Variants in SMKR1 observed in about 807,000 individuals in gnomAD.
SMKR1 encodes small lysine rich protein 1.
In SMKR1, 4 loss-of-function variants were observed where a neutral mutation model predicts 4.0. That is an observed-to-expected ratio of 1.00 (90% confidence interval 0.49 to 2.30). The LOEUF (loss-of-function observed/expected upper bound fraction) is 2.30. Ranked by LOEUF, SMKR1 falls within the 30% of genes most tolerant of loss-of-function variation. SMKR1 has a pLI of 0.02. For missense variants in SMKR1, 56 were observed against 81.8 expected, an observed-to-expected ratio of 0.68 and a Z score of 1.22; for synonymous variants, 38 against 32.5, an observed-to-expected ratio of 1.17 and a Z score of -0.58.
rs554674553 is a variant in SMKR1, at chr7:129,512,404, C to T, written c.161C>T (p.Pro54Leu). ...DCLHLRGFHW[P>L]GAPKGKKGRS... is the part of the protein sequence containing the mutation. ...CTGCATCTGCGAGGCTTCCATTGGC[C>T]GGGTGCTCCCAAAGGAAAGAAAGGG... is the stretch of plus-strand genomic sequence containing the variant. Residue 54 changes from proline (P) to leucine (L), a missense_variant, in exon 2 of 2, where the codon CCG (proline) becomes CTG (leucine). By Grantham distance (98) the Pro-to-Leu change is moderately conservative (BLOSUM62 -3). Transcript: ENST00000462322. 5.5e-5 allele frequency: 84 copies of T among 1,535,260 alleles called. No homozygotes were observed. Among genetic ancestry groups the T allele is most frequent in the Middle Eastern group, 3.3e-4 (2 of 6,010 alleles).
At chr7:129,503,619 C>G (rs1235319756) in intron 1 of SMKR1, among the ~76,000 whole-genome samples, 1 of 152,190 alleles carries the variant, frequency 6.6e-6, no homozygotes, top group Admixed American at 6.5e-5. Flanking sequence ...TCCTGCTTCC[C>G]CATCGCTCCT....
Position 129,512,460 on chromosome 7 carries a change from C to G in SMKR1, c.*19C>G. 2 of 1,528,940 alleles carry G rather than the reference C, an allele frequency of 1.3e-6. No individual in the cohort carries two copies. The highest frequency in any genetic ancestry group is 1.7e-6 in the Non-Finnish European group (2 of 1,144,186). 94.7% of individuals were successfully genotyped at this position (1,528,940 alleles called of 1,614,324 possible). ...CAAGTGACAGCATTTCACAACACAT[C>G]TCTGTTACAGACAACAGGACCTGGG... On this transcript the variant is annotated 3_prime_UTR_variant, in exon 2 of 2. Coordinates refer to ENST00000462322, the MANE Select transcript of SMKR1 (RefSeq NM_001195243.2).
rs1792046886 is a variant in SMKR1, at chr7:129,502,857, G to T, written c.3+30G>T. On this transcript the variant is annotated intron_variant, in intron 1 of 1. Transcript: ENST00000462322. ...TCCCCGTCTCCCTAAAGTACCCGGGGCCAGGGCGCGCGCCGTGGAGCCCCA... is the reference window on the plus strand; with the variant it reads ...TCCCCGTCTCCCTAAAGTACCCGGGTCCAGGGCGCGCGCCGTGGAGCCCCA... 5.2e-6 allele frequency: 8 copies of T among 1,534,576 alleles called. No homozygotes were observed. The South Asian group carries it at 9.5e-5, about 18-fold the overall frequency.
rs1442743132 is a variant in SMKR1 at position 129,502,836 on chromosome 7, C to T, written c.3+9C>T. ...GGCTGAGAATCGCCATGGTAATCCC[C>T]GTCTCCCTAAAGTACCCGGGGCCAG... On this transcript the variant is annotated intron_variant, in intron 1 of 1. Transcript: ENST00000462322. 6.5e-7 allele frequency: 1 copy of T among 1,534,890 alleles called. No individual in the cohort carries two copies. The highest frequency in any genetic ancestry group is 1.4e-5 in the African/African-American group (1 of 72,430).
At position 129,505,697 on chromosome 7, in the gene SMKR1, G is replaced by A. The variant is rs370478916; in HGVS notation, c.3+2870G>A. On this transcript the variant is annotated intron_variant, in intron 1 of 1. Transcript: ENST00000462322. ...GGGTTTTACCATGTTGTCCAGGCTG[G>A]TCTTGAACTCCTGACCTCAGATGAT... Among the ~76,000 whole-genome samples, 49 of 152,186 alleles carry A rather than the reference G, an allele frequency of 3.2e-4. 1 individual carries two copies. The South Asian group carries it at 9.5e-3, about 30-fold the overall frequency.
intron 1 of SMKR1, among the ~76,000 whole-genome samples, chr7:129,503,981 C>T (rs1253625189): frequency 1.3e-5 from 2 of 152,060 alleles, no homozygotes; most frequent in East Asian, 3.9e-4. Flanking sequence ...GCAGGCATCA[C>T]CATGCCTGGC....
In SMKR1 at chr7:129,509,668, G is replaced by GTAGC. The variant is rs755119350; in HGVS notation, c.4-2577_4-2574dup. Among the ~76,000 whole-genome samples, 8 of 152,110 alleles carry GTAGC rather than the reference G, an allele frequency of 5.3e-5. No individual in the cohort carries two copies. In the East Asian group the frequency reaches 1.2e-3, roughly 22 times the overall value. ...AGATTTTCCTGCCTCAGCCTCCTAA[G>GTAGC]TAGCTGGGATTACAGGTGCACGCCA... is the stretch of plus-strand genomic sequence containing the variant. On this transcript the variant is annotated intron_variant, in intron 1 of 1. Coordinates refer to ENST00000462322, the MANE Select transcript of SMKR1 (RefSeq NM_001195243.2).
At chr7:129,503,350 C>T (rs1187593320) in intron 1 of SMKR1, among the ~76,000 whole-genome samples, 2 of 152,204 alleles carry the variant, frequency 1.3e-5, no homozygotes, top group Non-Finnish European at 2.9e-5. Flanking sequence ...TGTGACCTTC[C>T]AGCCCCTGCC....
intron 1 of SMKR1, among the ~76,000 whole-genome samples, chr7:129,506,151 A>G (rs988493790): frequency 6.6e-6 from 1 of 152,218 alleles, no homozygotes; most frequent in Non-Finnish European, 1.5e-5. Context: ...CATGTTTAAA[A>G]TGCATGCTTT....
chr7:129,507,166 C>T (rs1399758076), intron 1 of SMKR1, among the ~76,000 whole-genome samples: 5 of 152,108 alleles, frequency 3.3e-5, no homozygotes, highest in African/African-American at 1.2e-4. Context: ...CAGGCGCCCA[C>T]CACCATGCCC....
At chr7:129,507,956 T>C (rs1314267891) in intron 1 of SMKR1, among the ~76,000 whole-genome samples, 2 of 152,302 alleles carry the variant, frequency 1.3e-5, no homozygotes, top group East Asian at 3.9e-4. Flanking sequence ...GTCTGAGGCT[T>C]GTCTTTTCAT....
intron 1 of SMKR1, among the ~76,000 whole-genome samples, chr7:129,509,815 A>C (rs1039012809): frequency 6.6e-6 from 1 of 152,230 alleles, no homozygotes; most frequent in Admixed American, 6.5e-5. Flanking sequence ...CTGGGATTAC[A>C]GGCGTGAGCC....
intron 1 of SMKR1, among the ~76,000 whole-genome samples, chr7:129,503,713 T>A (rs1799436174): frequency 6.6e-6 from 1 of 152,158 alleles, no homozygotes; most frequent in Non-Finnish European, 1.5e-5. Context: ...TAGACTCTAG[T>A]GTAGAAATCA....
At position 129,502,681 on chromosome 7, in the gene SMKR1, G is replaced by A; in HGVS notation, c.-144G>A. 3 of 1,276,416 alleles carry A rather than the reference G, an allele frequency of 2.4e-6. No homozygotes were observed. The allele number at this position is 1,276,416 out of a possible 1,614,324, so 79.1% of individuals were successfully genotyped here. A position where few individuals can be genotyped will look rare whatever the true frequency, so the allele number is the denominator to read the frequency against. ...GTGGCGGGGAGGCGTAGTGAGGCTG[G>A]GCCCGTGGCGGTTCCCTGAGGAGGG... On this transcript the variant is annotated 5_prime_UTR_variant, in exon 1 of 2. Transcript: ENST00000462322.
At chr7:129,504,721 T>C (rs1026647981) in intron 1 of SMKR1, among the ~76,000 whole-genome samples, 3 of 152,182 alleles carry the variant, frequency 2.0e-5, no homozygotes, top group African/African-American at 7.2e-5. Flanking sequence ...GCCCAGCTAA[T>C]TTTTTAAATT....
chr7:129,508,271 A>G (rs1363321641), intron 1 of SMKR1, among the ~76,000 whole-genome samples: 1 of 152,052 alleles, frequency 6.6e-6, no homozygotes, highest in Non-Finnish European at 1.5e-5. Context: ...TCTTTGCTTC[A>G]CCAATACCTT....
At position 129,512,535 on chromosome 7, in the gene SMKR1, C is replaced by A; in HGVS notation, c.*94C>A. On this transcript the variant is annotated 3_prime_UTR_variant, in exon 2 of 2. Coordinates refer to ENST00000462322, the MANE Select transcript of SMKR1 (RefSeq NM_001195243.2). ...TGTTGCCAGCAACATAGACTTTACT[C>A]CAGACGACTTGAGATGCAAATTAAG... The A allele has an allele frequency of 2.4e-6, 3 of 1,244,562 alleles. No individual in the cohort carries two copies. The highest frequency in any genetic ancestry group is 1.6e-5 in the South Asian group (1 of 60,830). The allele number at this position is 1,244,562 out of a possible 1,614,324, so 77.1% of individuals were successfully genotyped here.
At chr7:129,509,406 G>A (rs554869347) in intron 1 of SMKR1, among the ~76,000 whole-genome samples, 2 of 152,330 alleles carry the variant, frequency 1.3e-5, no homozygotes, top group East Asian at 3.9e-4. Context: ...GTTTTACCAG[G>A]AGAATGCAGT....
chr7:129,502,630 G>T lies in SMKR1; in HGVS notation c.-195G>T. Reference sequence around the variant, plus strand: ...GGCTCCGCGGCTGGCTGCCTCCCGAGCCGGCCGCGCTCCTCCCAGCGAGGC... The same window carrying T: ...GGCTCCGCGGCTGGCTGCCTCCCGATCCGGCCGCGCTCCTCCCAGCGAGGC... On this transcript the variant is annotated 5_prime_UTR_variant, in exon 1 of 2. Coordinates refer to ENST00000462322, the MANE Select transcript of SMKR1 (RefSeq NM_001195243.2). The T allele has an allele frequency of 1.3e-6, 1 of 753,564 alleles. No individual in the cohort carries two copies. 46.7% of individuals were successfully genotyped at this position (753,564 alleles called of 1,614,324 possible).
Sources: allele counts gnomAD v4.1 joint callset (sites outside exome capture counted in the v4.1 genomes callset), GRCh38; gene constraint gnomAD v4.1.1; transcripts MANE v1.5; gene names NCBI Gene and HGNC (gene_info 2026-07-23, HGNC 2026-07-21).